Variants in KDM4C observed in about 807,000 individuals in gnomAD.
The protein encoded by KDM4C is lysine-specific demethylase 4C.
In KDM4C, 81 loss-of-function variants were observed where a neutral mutation model predicts 129.3. The observed-to-expected ratio is 0.63, with a 90% CI of 0.52 to 0.75. KDM4C has a LOEUF of 0.75. Ranked by LOEUF, KDM4C falls within the 30% of genes least tolerant of loss-of-function variation. The pLI is 0.00. For synonymous variants in KDM4C, 573 were observed against 456.1 expected, an observed-to-expected ratio of 1.26 and a Z score of -3.26; for missense variants, 1,457 against 1,304.0, an observed-to-expected ratio of 1.12 and a Z score of -1.81.
rs369302800 is a variant in KDM4C, at chr9:7,168,148, G to A, written c.2902-1650G>A. ...GGTTGCAGTGAGCCGAGATCGCGCCGTTGCACTCCAGCCTAGGCAACAAGA... is the reference window on the plus strand; with the variant it reads ...GGTTGCAGTGAGCCGAGATCGCGCCATTGCACTCCAGCCTAGGCAACAAGA... On this transcript the variant is annotated intron_variant, in intron 20 of 21. Transcript: ENST00000381309. 2.4e-4 allele frequency among the ~76,000 whole-genome samples: 36 copies of A among 152,166 alleles called. 1 individual carries two copies. The East Asian group carries it at 4.4e-3, about 19-fold the overall frequency.
At chr9:7,146,278 T>C (rs1208055897) in intron 19 of KDM4C, among the ~76,000 whole-genome samples, 10 of 152,350 alleles carry the variant, frequency 6.6e-5, no homozygotes, top group African/African-American at 2.2e-4. Flanking sequence ...ATTATGATTT[T>C]CAACTTTATC....
chr9:6,987,271 GC>G (rs1038591056), intron 11 of KDM4C, among the ~76,000 whole-genome samples: 2 of 152,054 alleles, frequency 1.3e-5, no homozygotes, highest in African/African-American at 2.4e-5. Flanking sequence ...TTCTTGTCCT[GC>G]CCCCTCCTCG....
chr9:7,112,213 G>A (rs549870382), intron 18 of KDM4C, among the ~76,000 whole-genome samples: 1 of 152,256 alleles, frequency 6.6e-6, no homozygotes, highest in South Asian at 2.1e-4. Context: ...TTCCCCGGGG[G>A]ATTCCTTGAA....
intron 8 of KDM4C, among the ~76,000 whole-genome samples, chr9:6,937,960 C>T (rs1214972283): frequency 6.6e-6 from 1 of 152,122 alleles, no homozygotes; most frequent in Non-Finnish European, 1.5e-5. Context: ...GATCTGCCCT[C>T]CTTGGCCTCC....
At chr9:6,740,643 G>A (rs10975814) in intron 1 of KDM4C, among the ~76,000 whole-genome samples, 9 of 151,698 alleles carry the variant, frequency 5.9e-5, no homozygotes, top group East Asian at 3.9e-4. Flanking sequence ...CTCAGCCTCC[G>A]GAGTAGCTGG....
chr9:6,818,329 A>T (rs1832491218), intron 4 of KDM4C, among the ~76,000 whole-genome samples: 1 of 152,174 alleles, frequency 6.6e-6, no homozygotes, highest in Admixed American at 6.5e-5. Flanking sequence ...TTCAGTTTCA[A>T]GTGTATTGTT....
intron 7 of KDM4C, among the ~76,000 whole-genome samples, chr9:6,891,971 A>G (rs996797461): frequency 7.9e-5 from 12 of 152,338 alleles, no homozygotes; most frequent in South Asian, 6.2e-4. Context: ...TATCTCAAAG[A>G]AAATATAAGT....
At chr9:7,094,181 C>G (rs758206152) in intron 17 of KDM4C, among the ~76,000 whole-genome samples, 8 of 152,164 alleles carry the variant, frequency 5.3e-5, no homozygotes, top group Non-Finnish European at 1.2e-4. Flanking sequence ...TACTTGTCCT[C>G]AAAGGAAGTC....
intron 5 of KDM4C, among the ~76,000 whole-genome samples, chr9:6,873,243 C>T (rs142347791): frequency 1.3e-4 from 20 of 152,212 alleles, no homozygotes; most frequent in East Asian, 5.8e-4. Flanking sequence ...GTGATCCACC[C>T]GCCTCGGCCT....
chr9:6,841,483 A>G (rs897619541), intron 4 of KDM4C, among the ~76,000 whole-genome samples: 1 of 152,216 alleles, frequency 6.6e-6, no homozygotes, highest in Non-Finnish European at 1.5e-5. Context: ...CTCTTCTATT[A>G]TATGGAAAGT....
intron 18 of KDM4C, among the ~76,000 whole-genome samples, chr9:7,120,971 TTAAA>T (rs1217128795): frequency 6.6e-6 from 1 of 152,168 alleles, no homozygotes; most frequent in Non-Finnish European, 1.5e-5. Context: ...TCAGAAATTA[TTAAA>T]TATATAATCC....
At chr9:6,964,841 C>T (rs1412322596) in intron 8 of KDM4C, among the ~76,000 whole-genome samples, 1 of 150,086 alleles carries the variant, frequency 6.7e-6, no homozygotes, top group Non-Finnish European at 1.5e-5. Context: ...GTAATCCCAG[C>T]TACTCGGGAG....
intron 6 of KDM4C, among the ~76,000 whole-genome samples, chr9:6,885,631 A>G (rs1158846737): frequency 6.6e-6 from 1 of 152,118 alleles, no homozygotes; most frequent in Non-Finnish European, 1.5e-5. Flanking sequence ...AAAAAAAAAA[A>G]AAAGGCAGTT....
At chr9:6,865,098 T>G (rs1397308268) in intron 5 of KDM4C, among the ~76,000 whole-genome samples, 5 of 150,148 alleles carry the variant, frequency 3.3e-5, no homozygotes, top group Non-Finnish European at 5.9e-5. Flanking sequence ...AAGCTCTGCC[T>G]CCCGGGTTCA....
intron 8 of KDM4C, among the ~76,000 whole-genome samples, chr9:6,895,473 A>T (rs527559959): frequency 2.0e-5 from 3 of 152,356 alleles, no homozygotes; most frequent in East Asian, 3.9e-4. Context: ...GGCAATCCGC[A>T]AAATCCCACG....
Position 6,773,965 on chromosome 9 carries a change from GCAAAC to G in KDM4C, c.-18+15763_-18+15767del, listed in dbSNP as rs1474284913. Among the ~76,000 whole-genome samples the G allele has an allele frequency of 3.3e-5, 5 of 151,894 alleles. No homozygotes were observed. The East Asian group carries it at 7.7e-4, about 23-fold the overall frequency. ...TTTATTTTTGAGATGGAGTCTCACT[GCAAAC>G]TCCGCCTCCCGAGTTCAAGCAATTC... On this transcript the variant is annotated intron_variant, in intron 1 of 21. Coordinates refer to ENST00000381309, the MANE Select transcript of KDM4C (RefSeq NM_015061.6).
intron 8 of KDM4C, among the ~76,000 whole-genome samples, chr9:6,951,158 TATC>T (rs1279054110): frequency 5.9e-5 from 9 of 152,194 alleles, no homozygotes; most frequent in African/African-American, 2.2e-4. Context: ...CTCAAACACT[TATC>T]ATTTCTTGGT....
At chr9:6,958,580 C>T (rs1829491145) in intron 8 of KDM4C, among the ~76,000 whole-genome samples, 1 of 150,270 alleles carries the variant, frequency 6.7e-6, no homozygotes, top group African/African-American at 2.5e-5. Flanking sequence ...GAGCAAGACT[C>T]TGTCTGAAAA....
intron 15 of KDM4C, 31 bp from the exon 16 acceptor site, chr9:7,046,831 G>C (rs746768780): frequency 6.6e-7 from 1 of 1,514,380 alleles, no homozygotes. Context: ...TGTGGGTCTG[G>C]TCATCATGTG....
Sources: gnomAD v4.1 joint callset for allele counts (sites outside exome capture counted in the v4.1 genomes callset) on GRCh38, gnomAD v4.1.1 for gene constraint, MANE v1.5 for transcripts, NCBI Gene and HGNC (gene_info 2026-07-23, HGNC 2026-07-21) for gene names.